The following STPG2 variants were observed in gnomAD, a reference collection of about 807,000 sequenced individuals.
STPG2 encodes the protein sperm-tail PG-rich repeat-containing protein 2.
STPG2 carries 56 observed loss-of-function variants against 54.2 expected under a neutral mutation model. That is an observed-to-expected ratio of 1.03 (90% CI 0.83 to 1.29). The LOEUF (loss-of-function observed/expected upper bound fraction) is 1.29. Among genes scored for constraint, STPG2 ranks in the 50% most tolerant of loss-of-function variants. The pLI is 0.00. For synonymous variants in STPG2, 200 were observed against 181.8 expected, an observed-to-expected ratio of 1.10 and a Z score of -0.81; for missense variants, 596 against 544.9, an observed-to-expected ratio of 1.09 and a Z score of -0.93.
At chr4:97,515,836 G>T (rs552291782) in intron 4 of STPG2, among the ~76,000 whole-genome samples, 2 of 151,798 alleles carry the variant, frequency 1.3e-5, no homozygotes, top group Non-Finnish European at 2.9e-5. Context: ...AGAGAGAGAG[G>T]TATGTATATA....
rs532213013 is a variant in STPG2, at chr4:97,938,259, G to A, written c.1044+5638C>T. Among the ~76,000 whole-genome samples, 12 of 152,336 alleles carry A rather than the reference G, an allele frequency of 7.9e-5. No homozygotes were observed. In the South Asian group the frequency reaches 2.5e-3, roughly 32 times the overall value. On this transcript the variant is annotated intron_variant, in intron 8 of 10. Transcript: ENST00000295268. The stretch of plus-strand genomic sequence containing the variant: ...TGGCACCAGCAGGAAAAAAACAGCT[G>A]CCTGGAGCTATAGCGATGGCTGCTG...
intron 4 of STPG2, among the ~76,000 whole-genome samples, chr4:97,545,411 C>A (rs895433881): frequency 1.3e-5 from 2 of 151,982 alleles, no homozygotes; most frequent in African/African-American, 4.8e-5. Context: ...TAAGAAATAC[C>A]CTTGATGTTA....
At chr4:97,460,815 C>G (rs1729644199) in intron 4 of STPG2, among the ~76,000 whole-genome samples, 1 of 152,152 alleles carries the variant, frequency 6.6e-6, no homozygotes, top group South Asian at 2.1e-4. Context: ...ACTTCTAACA[C>G]TATTATTAGA....
chr4:97,748,621 T>A (rs1178527834), intron 9 of STPG2, among the ~76,000 whole-genome samples: 1 of 151,532 alleles, frequency 6.6e-6, no homozygotes, highest in East Asian at 1.9e-4. Context: ...TTTTGCAGAC[T>A]ATATGGTCTC....
chr4:98,127,342 G>C (rs1412598273), intron 3 of STPG2, among the ~76,000 whole-genome samples: 1 of 152,070 alleles, frequency 6.6e-6, no homozygotes, highest in East Asian at 1.9e-4. Context: ...TAAGAAAAAA[G>C]ATTTTAATGG....
intron 5 of STPG2, among the ~76,000 whole-genome samples, chr4:98,071,010 C>T (rs189657205): frequency 1.1e-3 from 170 of 152,108 alleles, no homozygotes; most frequent in African/African-American, 3.9e-3. Flanking sequence ...TGGGTCCAAA[C>T]TCAAACAATG....
intron 7 of STPG2, among the ~76,000 whole-genome samples, chr4:97,969,084 C>A (rs1734223488): frequency 6.6e-6 from 1 of 152,200 alleles, no homozygotes; most frequent in Non-Finnish European, 1.5e-5. Flanking sequence ...CTTGCCACGG[C>A]TCTTCTAGGT....
At position 97,755,194 on chromosome 4, in the gene STPG2, G is replaced by A. The variant is rs116149257; in HGVS notation, c.1205-42380C>T. On this transcript the variant is annotated intron_variant, in intron 9 of 10. Coordinates refer to ENST00000295268, the MANE Select transcript of STPG2 (RefSeq NM_174952.3). ...AAACAGGCATCTTTAATTATATTTT[G>A]TCAGATATAAAATATTTCAAAATCT... 3.5e-3 allele frequency among the ~76,000 whole-genome samples: 529 copies of A among 152,094 alleles called. 1 individual carries two copies. Among genetic ancestry groups the A allele is most frequent in the Non-Finnish European group, 5.9e-3 (398 of 67,984 alleles).
At chr4:97,699,440 G>T (rs1046740918) in intron 10 of STPG2, among the ~76,000 whole-genome samples, 1 of 152,202 alleles carries the variant, frequency 6.6e-6, no homozygotes, top group Non-Finnish European at 1.5e-5. Context: ...ACCACTCAGA[G>T]AGGTCCATCC....
chr4:97,627,619 A>G (rs1433336074), intron 10 of STPG2, among the ~76,000 whole-genome samples: 2 of 152,180 alleles, frequency 1.3e-5, no homozygotes, highest in African/African-American at 2.4e-5. Context: ...TTAGCCAAAC[A>G]TTTCCAAAAG....
At chr4:97,717,364 C>A (rs1473793872) in intron 9 of STPG2, among the ~76,000 whole-genome samples, 3 of 152,098 alleles carry the variant, frequency 2.0e-5, no homozygotes, top group African/African-American at 7.2e-5. Context: ...GTGTACAAAG[C>A]CCCTAAGAAA....
intron 10 of STPG2, among the ~76,000 whole-genome samples, chr4:97,666,064 G>C (rs1722513447): frequency 6.6e-6 from 1 of 152,148 alleles, no homozygotes; most frequent in Admixed American, 6.5e-5. Flanking sequence ...GGCTGCAGTT[G>C]TACCCAGAGG....
chr4:97,922,158 A>G (rs1732133642), intron 8 of STPG2, among the ~76,000 whole-genome samples: 1 of 152,178 alleles, frequency 6.6e-6, no homozygotes, highest in Admixed American at 6.5e-5. Flanking sequence ...AAGATCTTAA[A>G]TGTTCTAACC....
intron 10 of STPG2, among the ~76,000 whole-genome samples, chr4:97,619,960 A>G (rs984088173): frequency 4.6e-5 from 7 of 151,692 alleles, no homozygotes; most frequent in Non-Finnish European, 2.9e-5. Context: ...AGTAGCTGGG[A>G]CTACAGGCAC....
intron 10 of STPG2, among the ~76,000 whole-genome samples, chr4:97,623,639 C>A (rs10009622): frequency 6.6e-6 from 1 of 151,910 alleles, no homozygotes; most frequent in Non-Finnish European, 1.5e-5. Context: ...AAAAATTTCA[C>A]TTTATTTTAA....
At chr4:97,858,832 G>A (rs1385000223) in intron 8 of STPG2, among the ~76,000 whole-genome samples, 1 of 152,096 alleles carries the variant, frequency 6.6e-6, no homozygotes, top group African/African-American at 2.4e-5. Context: ...CATATTTTTG[G>A]AATTGTGAAT....
At chr4:97,833,714 CA>C (rs1444611269) in intron 9 of STPG2, among the ~76,000 whole-genome samples, 3 of 152,060 alleles carry the variant, frequency 2.0e-5, no homozygotes. Flanking sequence ...AGACACTTCT[CA>C]AAAGAAGACA....
intron 10 of STPG2, among the ~76,000 whole-genome samples, chr4:97,567,012 C>T (rs1417867883): frequency 6.6e-6 from 1 of 151,132 alleles, no homozygotes; most frequent in Non-Finnish European, 1.5e-5. Flanking sequence ...TGCACATGTA[C>T]CCTAAAACTT....
At chr4:97,599,923 T>A (rs1189104555) in intron 10 of STPG2, among the ~76,000 whole-genome samples, 1 of 151,782 alleles carries the variant, frequency 6.6e-6, no homozygotes, top group Non-Finnish European at 1.5e-5. Flanking sequence ...AAGAAGGAGA[T>A]CACGTTCTTT....
Sources: gnomAD v4.1 joint callset for allele counts (sites outside exome capture counted in the v4.1 genomes callset) on GRCh38, gnomAD v4.1.1 for gene constraint, MANE v1.5 for transcripts, NCBI Gene and HGNC (gene_info 2026-07-23, HGNC 2026-07-21) for gene names.